IKZF2: variants seen among roughly 807,000 people sequenced by gnomAD.
IKZF2 encodes IKAROS family zinc finger 2, also known as zinc finger protein Helios.
IKZF2 carries 15 observed loss-of-function variants against 49.2 expected under a neutral mutation model. That is an observed-to-expected ratio of 0.30 (90% CI 0.20 to 0.47). The LOEUF is 0.47. Ranked by LOEUF, IKZF2 falls within the 20% of genes least tolerant of loss-of-function variation. IKZF2 has a pLI of 1.00. For missense variants in IKZF2, 567 were observed against 664.6 expected (o/e 0.85, Z 1.61); for synonymous variants, 227 against 221.4 (o/e 1.03, Z -0.23).
At chr2:213,022,497 G>GTT (rs5838364) in intron 6 of IKZF2, among the ~76,000 whole-genome samples, 175 of 151,008 alleles carry the variant, frequency 1.2e-3, no homozygotes, top group African/African-American at 1.9e-3. Flanking sequence ...AAGAGTTGTG[G>GTT]TTTTTTTTTG....
intron 6 of IKZF2, among the ~76,000 whole-genome samples, chr2:213,039,133 G>A (rs2125249824): frequency 6.6e-6 from 1 of 152,032 alleles, no homozygotes; most frequent in South Asian, 2.1e-4. Context: ...AAAGATAAAT[G>A]TGGAAATATA....
intron 2 of IKZF2, 75 bp downstream of exon 2, chr2:213,150,069 A>G: frequency 1.2e-6 from 1 of 805,596 alleles, no homozygotes; most frequent in Non-Finnish European, 1.8e-6. Context: ...TGCCCCATCA[A>G]TGAAATGGTT....
At chr2:213,129,423 A>C (rs1348763247) in intron 4 of IKZF2, among the ~76,000 whole-genome samples, 2 of 150,758 alleles carry the variant, frequency 1.3e-5, no homozygotes, top group Non-Finnish European at 2.9e-5. Context: ...ACGTGTCCCA[A>C]ACCAAAGAAA....
chr2:213,088,493 T>G (rs1182938491), intron 4 of IKZF2, among the ~76,000 whole-genome samples: 2 of 152,208 alleles, frequency 1.3e-5, no homozygotes, highest in African/African-American at 4.8e-5. Flanking sequence ...GCACAGTGGC[T>G]CACACCTGTA....
At chr2:213,109,631 T>C (rs1559286115) in intron 4 of IKZF2, among the ~76,000 whole-genome samples, 1 of 152,182 alleles carries the variant, frequency 6.6e-6, no homozygotes, top group East Asian at 1.9e-4. Flanking sequence ...TCATTTATAT[T>C]TATGTGCTAT....
At chr2:213,030,762 A>G (rs1161021739) in intron 6 of IKZF2, among the ~76,000 whole-genome samples, 1 of 151,640 alleles carries the variant, frequency 6.6e-6, no homozygotes, top group Non-Finnish European at 1.5e-5. Context: ...AGAACACTGC[A>G]TTATGACAAT....
chr2:213,092,470 C>T (rs1705459528), intron 4 of IKZF2, among the ~76,000 whole-genome samples: 1 of 152,144 alleles, frequency 6.6e-6, no homozygotes. Flanking sequence ...ACATACCATG[C>T]CACGCAGAGA....
At chr2:213,011,850 T>A (rs1695995837) in intron 8 of IKZF2, among the ~76,000 whole-genome samples, 1 of 151,982 alleles carries the variant, frequency 6.6e-6, no homozygotes, top group South Asian at 2.1e-4. Flanking sequence ...GAAAGGATGC[T>A]CAGTCAGCTT....
chr2:213,101,954 G>T lies in IKZF2; in HGVS notation c.140-44855C>A, dbSNP rs150834315. Among the ~76,000 whole-genome samples the T allele has an allele frequency of 5.7e-3, 874 of 152,238 alleles. 11 individuals carry two copies. The highest frequency in any genetic ancestry group is 0.02 in the African/African-American group (842 of 41,540). ...CATAACAAATAAACCTGCCATTTCA[G>T]ATAACTGATCCATGACAGGTTACTA... On this transcript the variant is annotated intron_variant, in intron 4 of 8. Transcript: ENST00000434687.
chr2:213,137,384 T>C (rs148911028), intron 4 of IKZF2, among the ~76,000 whole-genome samples: 242 of 152,238 alleles, frequency 1.6e-3, no homozygotes, highest in Middle Eastern at 6.8e-3. Context: ...GTCAGTGTTT[T>C]TAAGGCGTAA....
intron 4 of IKZF2, chr2:213,081,067 C>A (rs112726174): frequency 0.025 from 3,814 of 154,586 alleles, 67 homozygotes; most frequent in African/African-American, 0.044. Context: ...TAAGTTAGGT[C>A]TGTGAAGGCC....
In IKZF2 at chr2:213,032,704, T is replaced by C. The variant is rs747418687; in HGVS notation, c.575-10574A>G. On this transcript the variant is annotated intron_variant, in intron 6 of 8. Transcript: ENST00000434687. ...CAGTCAAGGCTACAGTCAGTTGTGATTGCACCACTGCACTGCACATACATA... is the reference window on the plus strand; with the variant it reads ...CAGTCAAGGCTACAGTCAGTTGTGACTGCACCACTGCACTGCACATACATA... Among the ~76,000 whole-genome samples, 32 of 152,172 alleles carry C rather than the reference T, an allele frequency of 2.1e-4. 1 individual carries two copies. Among genetic ancestry groups the C allele is most frequent in the Non-Finnish European group, 3.8e-4 (26 of 68,024 alleles).
At chr2:213,044,729 C>G (rs1382644177) in intron 6 of IKZF2, among the ~76,000 whole-genome samples, 1 of 152,116 alleles carries the variant, frequency 6.6e-6, no homozygotes, top group Non-Finnish European at 1.5e-5. Context: ...AGGCAAAATA[C>G]AAGAAAGTTT....
intron 4 of IKZF2, among the ~76,000 whole-genome samples, chr2:213,117,022 T>C (rs982167958): frequency 2.6e-5 from 4 of 152,156 alleles, no homozygotes; most frequent in Non-Finnish European, 5.9e-5. Flanking sequence ...CAACAGCACT[T>C]AGGGTAAAAT....
chr2:213,098,948 T>G (rs144348574), intron 4 of IKZF2, among the ~76,000 whole-genome samples: 242 of 152,334 alleles, frequency 1.6e-3, no homozygotes, highest in Middle Eastern at 6.8e-3. Context: ...CAGTCACCTC[T>G]TCTAATCTTG....
At chr2:213,012,564 T>C (rs1696084745) in intron 8 of IKZF2, among the ~76,000 whole-genome samples, 1 of 151,992 alleles carries the variant, frequency 6.6e-6, no homozygotes, top group Admixed American at 6.6e-5. Flanking sequence ...CCTGAGGCAG[T>C]CCTTTGTGTA....
At chr2:213,112,685 C>T (rs1405756581) in intron 4 of IKZF2, among the ~76,000 whole-genome samples, 2 of 152,032 alleles carry the variant, frequency 1.3e-5, no homozygotes, top group Non-Finnish European at 2.9e-5. Flanking sequence ...GTGTTGGTTT[C>T]TATACATTAC....
intron 4 of IKZF2, among the ~76,000 whole-genome samples, chr2:213,091,387 G>T (rs567483245): frequency 2.6e-5 from 4 of 152,212 alleles, no homozygotes; most frequent in African/African-American, 9.6e-5. Context: ...AATATGAGAG[G>T]TACATTCATA....
At chr2:213,113,742 T>C (rs538824627) in intron 4 of IKZF2, among the ~76,000 whole-genome samples, 1 of 152,272 alleles carries the variant, frequency 6.6e-6, no homozygotes, top group Non-Finnish European at 1.5e-5. Context: ...TTTTTTCTAA[T>C]TGTTTTAGGG....
Sources: gnomAD v4.1 joint callset for allele counts (sites outside exome capture counted in the v4.1 genomes callset) on GRCh38, gnomAD v4.1.1 for gene constraint, MANE v1.5 for transcripts, NCBI Gene and HGNC (gene_info 2026-07-23, HGNC 2026-07-21) for gene names.